TNR: variants seen among roughly 807,000 people sequenced by gnomAD.
TNR encodes tenascin R.
In TNR, 45 loss-of-function variants were observed where a neutral mutation model predicts 150.4. That is an observed-to-expected ratio of 0.30 (90% CI 0.24 to 0.38). The LOEUF (loss-of-function observed/expected upper bound fraction) is 0.38, where lower values mean the gene tolerates loss of function less well. TNR is among the 10% of genes least tolerant of loss of function. The pLI is 1.00. For missense variants in TNR, 1,544 were observed against 1,759.1 expected, an observed-to-expected ratio of 0.88 and a Z score of 2.19; for synonymous variants, 687 against 678.4, an observed-to-expected ratio of 1.01 and a Z score of -0.20.
At chr1:175,587,779 T>C (rs944800216) in intron 1 of TNR, among the ~76,000 whole-genome samples, 2 of 152,236 alleles carry the variant, frequency 1.3e-5, no homozygotes, top group African/African-American at 4.8e-5. Flanking sequence ...TGATTTTTAA[T>C]GTGCAGAAGG....
At chr1:175,699,387 G>A (rs927082740) in intron 1 of TNR, among the ~76,000 whole-genome samples, 1 of 152,182 alleles carries the variant, frequency 6.6e-6, no homozygotes, top group African/African-American at 2.4e-5. Flanking sequence ...TAAGTTTAAA[G>A]TAACATCATG....
rs367859822 is a variant in TNR at position 175,359,043 on chromosome 1, G to A, written c.2974+569C>T. Among the ~76,000 whole-genome samples, 8 of 144,340 alleles carry A rather than the reference G, an allele frequency of 5.5e-5. No homozygotes were observed. In the South Asian group the frequency reaches 1.3e-3, roughly 24 times the overall value. The allele number at this position is 144,340 out of a possible 152,430, so 94.7% of individuals were successfully genotyped here. ...TTCCTAGGGCTATTGCTCTGTTTTT[G>A]TACTTGCCCTTGGTTACATGCCTTT... On this transcript the variant is annotated intron_variant, in intron 15 of 22. Coordinates refer to ENST00000367674, the MANE Select transcript of TNR (RefSeq NM_003285.3).
intron 1 of TNR, among the ~76,000 whole-genome samples, chr1:175,679,188 G>C (rs556660303): frequency 1.3e-5 from 2 of 152,356 alleles, no homozygotes; most frequent in East Asian, 3.9e-4. Flanking sequence ...ATCTTGCTTG[G>C]ATGGCCCTAG....
intron 1 of TNR, among the ~76,000 whole-genome samples, chr1:175,625,678 C>T (rs959770002): frequency 3.9e-5 from 6 of 152,206 alleles, no homozygotes; most frequent in African/African-American, 1.4e-4. Context: ...CCAGCCTTCG[C>T]CTGTGAGAGC....
intron 1 of TNR, among the ~76,000 whole-genome samples, chr1:175,725,020 A>G (rs1300225048): frequency 6.6e-6 from 1 of 152,244 alleles, no homozygotes; most frequent in Non-Finnish European, 1.5e-5. Flanking sequence ...TGGATCATAT[A>G]GAGCCTCGTT....
intron 2 of TNR, among the ~76,000 whole-genome samples, chr1:175,509,055 T>C (rs890751351): frequency 6.6e-6 from 1 of 152,164 alleles, no homozygotes; most frequent in South Asian, 2.1e-4. Flanking sequence ...TAAAAGTAAA[T>C]AGACATTCTT....
chr1:175,598,651 C>T (rs1446904842), intron 1 of TNR, among the ~76,000 whole-genome samples: 1 of 152,186 alleles, frequency 6.6e-6, no homozygotes, highest in East Asian at 1.9e-4. Flanking sequence ...AACTGGAGAA[C>T]CAAATGAATA....
At chr1:175,495,155 T>C (rs1178673606) in intron 2 of TNR, among the ~76,000 whole-genome samples, 1 of 152,168 alleles carries the variant, frequency 6.6e-6, no homozygotes, top group East Asian at 1.9e-4. Context: ...AGAGACGAGT[T>C]GTCCTCCCAG....
At chr1:175,620,941 C>T (rs1305999214) in intron 1 of TNR, among the ~76,000 whole-genome samples, 2 of 152,202 alleles carry the variant, frequency 1.3e-5, no homozygotes, top group African/African-American at 2.4e-5. Flanking sequence ...GGCCCCTGAC[C>T]CACAGGCATA....
At chr1:175,723,285 T>A (rs934282087) in intron 1 of TNR, among the ~76,000 whole-genome samples, 5 of 152,206 alleles carry the variant, frequency 3.3e-5, no homozygotes, top group African/African-American at 7.2e-5. Flanking sequence ...ACACAGTGGA[T>A]GCCCTAATGC....
At chr1:175,664,864 A>G (rs542793207) in intron 1 of TNR, among the ~76,000 whole-genome samples, 1 of 152,258 alleles carries the variant, frequency 6.6e-6, no homozygotes, top group Non-Finnish European at 1.5e-5. Context: ...AATGACAAAG[A>G]CAAGGAAATA....
chr1:175,369,402 G>C (rs1400910434), intron 9 of TNR, among the ~76,000 whole-genome samples: 3 of 152,162 alleles, frequency 2.0e-5, no homozygotes, highest in Non-Finnish European at 4.4e-5. Context: ...GCTTGTAGTT[G>C]CGTCACCCCA....
At chr1:175,650,049 C>T (rs1249163854) in intron 1 of TNR, among the ~76,000 whole-genome samples, 2 of 152,126 alleles carry the variant, frequency 1.3e-5, no homozygotes, top group Admixed American at 1.3e-4. Flanking sequence ...CCTTAAAAAA[C>T]TGTGCTGTTC....
At chr1:175,323,533 T>A in intron 22 of TNR, 57 bp from the exon 23 acceptor site, 2 of 1,583,678 alleles carry the variant, frequency 1.3e-6, no homozygotes, top group African/African-American at 1.4e-5. Context: ...ACGCCCCACT[T>A]CAAAAAAGGG....
Position 175,315,667 on chromosome 1 carries a change from T to C in TNR, c.*7690A>G, listed in dbSNP as rs1648813708. 1 of 152,260 alleles carries C rather than the reference T, an allele frequency of 6.6e-6. No individual in the cohort carries two copies. The highest frequency in any genetic ancestry group is 2.4e-5 in the African/African-American group (1 of 41,470). The allele number at this position is 152,260 out of a possible 1,614,324, so 9.4% of individuals were successfully genotyped here. ...GGGTTTCAGCTGCTCGGAGCCCCAG[T>C]TAATGACCCCCTCAGTGTCACAGTG... On this transcript the variant is annotated 3_prime_UTR_variant, in exon 23 of 23. Coordinates refer to ENST00000367674, the MANE Select transcript of TNR (RefSeq NM_003285.3).
chr1:175,608,069 G>C (rs1663471409), intron 1 of TNR, among the ~76,000 whole-genome samples: 1 of 152,182 alleles, frequency 6.6e-6, no homozygotes, highest in African/African-American at 2.4e-5. Context: ...TTCTCCCCTA[G>C]ATTGCAGCTC....
intron 17 of TNR, 107 bp from the exon 18 acceptor site, chr1:175,354,630 C>T (rs977335276): frequency 1.0e-4 from 146 of 1,421,704 alleles, no homozygotes; most frequent in Middle Eastern, 1.8e-4. Flanking sequence ...GTCAGTATTG[C>T]AATGGCCATT....
At chr1:175,482,436 C>G (rs182067550) in intron 2 of TNR, among the ~76,000 whole-genome samples, 10 of 152,278 alleles carry the variant, frequency 6.6e-5, no homozygotes, top group Non-Finnish European at 1.0e-4. Context: ...CTTGCACACA[C>G]AACAGGAGAC....
Position 175,403,407 on chromosome 1 carries a change from T to C in TNR, c.709A>G (p.Thr237Ala). The C allele has an allele frequency of 6.2e-7, 1 of 1,614,162 alleles. No homozygotes were observed. Among genetic ancestry groups the C allele is most frequent in the South Asian group, 1.1e-5 (1 of 91,072 alleles). The change falls in exon 4 of 23, where the codon ACA becomes GCA. Residue 237 changes from threonine (T) to alanine (A), a missense_variant. Physicochemically the swap from Thr to Ala is moderately conservative, Grantham distance 58. Coordinates refer to ENST00000367674, the MANE Select transcript of TNR (RefSeq NM_003285.3). ...GDDCSELRCP[T>A]DCSSRGLCVD... Reference sequence around the variant, plus strand: ...CAGAGCCCCCGGGAGCTGCAGTCTGTTGGGCACCGGAGTTCGGAACAGTCA... The same window carrying C: ...CAGAGCCCCCGGGAGCTGCAGTCTGCTGGGCACCGGAGTTCGGAACAGTCA...
Sources: gnomAD v4.1 joint callset for allele counts (sites outside exome capture counted in the v4.1 genomes callset) on GRCh38, gnomAD v4.1.1 for gene constraint, MANE v1.5 for transcripts, NCBI Gene and HGNC (gene_info 2026-07-23, HGNC 2026-07-21) for gene names.